CDH13: variants seen among roughly 807,000 people sequenced by gnomAD.
The protein encoded by CDH13 is cadherin-13.
In CDH13, 24 loss-of-function variants were observed where a neutral mutation model predicts 63.8. The observed-to-expected ratio is 0.38, with a 90% CI of 0.27 to 0.53. The LOEUF is 0.53. Ranked by LOEUF, CDH13 falls within the 20% of genes least tolerant of loss-of-function variation. CDH13 has a pLI of 0.85. For synonymous variants in CDH13, 503 were observed against 355.3 expected (o/e 1.42, Z -4.67); for missense variants, 1,049 against 903.1 (o/e 1.16, Z -2.07).
chr16:82,806,450 G>T (rs1019908490), intron 1 of CDH13, among the ~76,000 whole-genome samples: 2 of 152,034 alleles, frequency 1.3e-5, no homozygotes, highest in African/African-American at 2.4e-5. Context: ...AACAAAACTT[G>T]GAATTTTAAA....
chr16:82,897,525 G>C (rs963799885), intron 2 of CDH13, among the ~76,000 whole-genome samples: 3 of 152,224 alleles, frequency 2.0e-5, no homozygotes, highest in African/African-American at 7.2e-5. Context: ...TTACAGCAAC[G>C]CTGGGAGCTG....
chr16:82,704,560 G>T (rs545799713), intron 1 of CDH13, among the ~76,000 whole-genome samples: 2 of 152,294 alleles, frequency 1.3e-5, no homozygotes, highest in South Asian at 4.1e-4. Context: ...CCTTGCTATT[G>T]GTGCTGTCCA....
chr16:82,793,371 A>G (rs2036414499), intron 1 of CDH13, among the ~76,000 whole-genome samples: 1 of 118,410 alleles, frequency 8.4e-6, no homozygotes, highest in Non-Finnish European at 1.9e-5. Flanking sequence ...CTTTCTGTGG[A>G]AAAGGGAGGG....
chr16:83,607,899 T>C (rs186778838), intron 8 of CDH13, among the ~76,000 whole-genome samples: 60 of 152,316 alleles, frequency 3.9e-4, no homozygotes, highest in African/African-American at 1.4e-3. Flanking sequence ...TTCATTCTTG[T>C]CTCTTAGGTT....
chr16:83,403,710 A>G (rs1444488577), intron 6 of CDH13, among the ~76,000 whole-genome samples: 2 of 152,172 alleles, frequency 1.3e-5, no homozygotes, highest in African/African-American at 2.4e-5. Context: ...TTTCCAGGCT[A>G]TCTCACACAA....
chr16:82,726,061 G>A (rs1394222862), intron 1 of CDH13, among the ~76,000 whole-genome samples: 1 of 152,102 alleles, frequency 6.6e-6, no homozygotes, highest in Admixed American at 6.6e-5. Flanking sequence ...CTGGTACAGG[G>A]TTTCATTAAT....
chr16:83,167,643 A>G (rs745351524), intron 4 of CDH13, among the ~76,000 whole-genome samples: 1 of 151,632 alleles, frequency 6.6e-6, no homozygotes, highest in African/African-American at 2.4e-5. Context: ...CTCTTTTCCC[A>G]AAGCTCTCGT....
intron 5 of CDH13, among the ~76,000 whole-genome samples, chr16:83,229,393 G>C (rs1449912411): frequency 6.6e-6 from 1 of 152,158 alleles, no homozygotes; most frequent in Non-Finnish European, 1.5e-5. Flanking sequence ...CACAAGTAGA[G>C]GGTTGGGGAG....
At position 83,424,046 on chromosome 16, in the gene CDH13, C is replaced by T. The variant is rs182434989; in HGVS notation, c.782-62431C>T. Among the ~76,000 whole-genome samples the T allele has an allele frequency of 1.5e-3, 229 of 150,226 alleles. 1 individual carries two copies. Among genetic ancestry groups the T allele is most frequent in the Non-Finnish European group, 1.2e-3 (81 of 67,496 alleles). ...CAGTCTAGAAGAGGGAAATCCAACA[C>T]GTACTGAACAGTCTAGAAGAGGGAA... is the stretch of plus-strand genomic sequence containing the variant. On this transcript the variant is annotated intron_variant, in intron 6 of 13. Coordinates refer to ENST00000567109, the MANE Select transcript of CDH13 (RefSeq NM_001257.5).
At chr16:83,311,422 A>G (rs916696268) in intron 5 of CDH13, among the ~76,000 whole-genome samples, 3 of 152,222 alleles carry the variant, frequency 2.0e-5, no homozygotes, top group African/African-American at 7.2e-5. Context: ...CTTTCTCTCC[A>G]ATCCTTTTTC....
At chr16:83,148,532 C>A (rs568305659) in intron 4 of CDH13, among the ~76,000 whole-genome samples, 4 of 152,300 alleles carry the variant, frequency 2.6e-5, no homozygotes, top group African/African-American at 9.6e-5. Flanking sequence ...TGCCTCTGTG[C>A]CTCATTTTAT....
chr16:83,583,698 A>T (rs781550499), intron 7 of CDH13, among the ~76,000 whole-genome samples: 1 of 151,698 alleles, frequency 6.6e-6, no homozygotes. Flanking sequence ...ACCTGAGGTC[A>T]GGAGTTTGAG....
chr16:83,406,460 TCTC>T (rs1200524463), intron 6 of CDH13, among the ~76,000 whole-genome samples: 7 of 150,440 alleles, frequency 4.7e-5, no homozygotes, highest in Non-Finnish European at 8.9e-5. Context: ...TTTCTCTTTT[TCTC>T]TCTCTCTCTT....
At chr16:82,918,141 G>A (rs1438280973) in intron 2 of CDH13, among the ~76,000 whole-genome samples, 1 of 152,152 alleles carries the variant, frequency 6.6e-6, no homozygotes, top group Admixed American at 6.5e-5. Context: ...AACCACACAG[G>A]TGCCGGGTAC....
At chr16:83,497,165 A>T (rs927145607) in intron 7 of CDH13, among the ~76,000 whole-genome samples, 5 of 152,158 alleles carry the variant, frequency 3.3e-5, no homozygotes, top group African/African-American at 4.8e-5. Context: ...TACTGGGTAT[A>T]TACCCAAAGG....
At chr16:83,273,696 G>A (rs1157577298) in intron 5 of CDH13, among the ~76,000 whole-genome samples, 1 of 152,194 alleles carries the variant, frequency 6.6e-6, no homozygotes, top group East Asian at 1.9e-4. Flanking sequence ...TAATGACATA[G>A]GTTTCAAGTT....
intron 5 of CDH13, among the ~76,000 whole-genome samples, chr16:83,329,881 G>A (rs2090445257): frequency 6.6e-6 from 1 of 152,172 alleles, no homozygotes; most frequent in Non-Finnish European, 1.5e-5. Context: ...ACTGAATAGT[G>A]TTTGTATTGA....
chr16:83,032,959 G>A (rs972984477), intron 3 of CDH13, among the ~76,000 whole-genome samples: 23 of 152,162 alleles, frequency 1.5e-4, no homozygotes, highest in Non-Finnish European at 3.1e-4. Context: ...TACGGTGTAT[G>A]TGTATGTGTA....
At chr16:82,665,926 G>T (rs1336241931) in intron 1 of CDH13, among the ~76,000 whole-genome samples, 1 of 152,098 alleles carries the variant, frequency 6.6e-6, no homozygotes. Flanking sequence ...ACCAGGAAAA[G>T]ATCAAAATTC....
Sources: gnomAD v4.1 joint callset for allele counts (sites outside exome capture counted in the v4.1 genomes callset) on GRCh38, gnomAD v4.1.1 for gene constraint, MANE v1.5 for transcripts, NCBI Gene and HGNC (gene_info 2026-07-23, HGNC 2026-07-21) for gene names.